Variants in TIMM23B observed in about 807,000 individuals in gnomAD.
The protein encoded by TIMM23B is mitochondrial import inner membrane translocase subunit Tim23B.
Under a neutral mutation model 27.3 loss-of-function variants are expected in TIMM23B, and 27 were observed. The observed-to-expected ratio is 0.99, with a 90% CI of 0.73 to 1.36. TIMM23B has a LOEUF of 1.36. TIMM23B is among the 40% of genes most tolerant of loss of function. The pLI is 0.00. For missense variants in TIMM23B, 205 were observed against 244.2 expected (o/e 0.84, Z 1.07); for synonymous variants, 73 against 92.4 (o/e 0.79, Z 1.21).
chr10:49,965,786 G>A (rs1278183630), intron 6 of TIMM23B, among the ~76,000 whole-genome samples: 3 of 151,268 alleles, frequency 2.0e-5, no homozygotes, highest in Non-Finnish European at 4.4e-5. Flanking sequence ...GGGTAATGGA[G>A]CGAGTCTCCA....
chr10:49,969,171 A>G (rs1245831552), intron 6 of TIMM23B, among the ~76,000 whole-genome samples: 1 of 152,214 alleles, frequency 6.6e-6, no homozygotes, highest in East Asian at 1.9e-4. Context: ...CACAACAGCC[A>G]TACAGGCTGG....
At chr10:49,959,187 T>G (rs1839818371) in intron 6 of TIMM23B, among the ~76,000 whole-genome samples, 1 of 152,240 alleles carries the variant, frequency 6.6e-6, no homozygotes, top group Non-Finnish European at 1.5e-5. Flanking sequence ...TAAGATTCTT[T>G]TCTGTATTTT....
chr10:49,956,192 A>G (rs1839714607), intron 5 of TIMM23B, among the ~76,000 whole-genome samples: 1 of 152,008 alleles, frequency 6.6e-6, no homozygotes, highest in African/African-American at 2.4e-5. Flanking sequence ...GTATAAAAAT[A>G]CTGCAGTAGA....
chr10:49,945,673 A>G lies in TIMM23B; in HGVS notation c.165+583A>G, dbSNP rs1234173856. Among the ~76,000 whole-genome samples, 50 of 152,324 alleles carry G rather than the reference A, an allele frequency of 3.3e-4. 1 individual carries two copies. The highest frequency in any genetic ancestry group is 9.9e-4 in the African/African-American group (41 of 41,578). On this transcript the variant is annotated intron_variant, in intron 2 of 6. Transcript: ENST00000651259. ...TCAGGGTTTTTTTGACTAAGCATCA[A>G]AAGTTTCAAAGAGTATCTTTTTGAA...
rs1173703740 is a variant in TIMM23B, at chr10:49,956,426, CGTGTGTGTGTGTGTGTGTGTGTGTGT to C, written c.403+1385_403+1410del. Among the ~76,000 whole-genome samples, 9 of 113,854 alleles carry C rather than the reference CGTGTGTGTGTGTGTGTGTGTGTGTGT, an allele frequency of 7.9e-5. 1 individual carries two copies. Among genetic ancestry groups the C allele is most frequent in the Admixed American group, 1.8e-4 (2 of 11,024 alleles). 74.7% of individuals were successfully genotyped at this position (113,854 alleles called of 152,430 possible). Reference sequence around the variant, plus strand: ...TCTATTTTTTCTTATACTAGAAATACGTGTGTGTGTGTGTGTGTGTGTGTGTGTGTGTGTGTGTGTGTGTATGTGTG... The same window carrying C: ...TCTATTTTTTCTTATACTAGAAATACGTGTGTGTGTGTGTGTGTATGTGTG... On this transcript the variant is annotated intron_variant, in intron 5 of 6. Coordinates refer to ENST00000651259, the MANE Select transcript of TIMM23B (RefSeq NM_001290117.2).
intron 6 of TIMM23B, among the ~76,000 whole-genome samples, chr10:49,965,397 A>G (rs1840094111): frequency 6.6e-6 from 1 of 150,560 alleles, no homozygotes; most frequent in African/African-American, 2.4e-5. Flanking sequence ...GAGCGAGTCT[A>G]CGTCATGAAA....
At chr10:49,966,430 A>G (rs1840164118) in intron 6 of TIMM23B, among the ~76,000 whole-genome samples, 1 of 150,650 alleles carries the variant, frequency 6.6e-6, no homozygotes, top group South Asian at 2.1e-4. Context: ...CAATGAAATG[A>G]AGAAATGAAA....
chr10:49,955,954 A>G (rs1341936380), intron 5 of TIMM23B, among the ~76,000 whole-genome samples: 3 of 152,108 alleles, frequency 2.0e-5, no homozygotes, highest in Non-Finnish European at 4.4e-5. Context: ...AATTGCTTGT[A>G]TACCTAGAGT....
At chr10:49,954,248 C>G (rs1839637906) in intron 4 of TIMM23B, 1 of 373,500 alleles carries the variant, frequency 2.7e-6, no homozygotes, top group Non-Finnish European at 5.4e-6. Flanking sequence ...CAGAACCATT[C>G]CTGGGATGGT....
intron 6 of TIMM23B, among the ~76,000 whole-genome samples, chr10:49,971,813 A>G (rs1840462962): frequency 6.6e-6 from 1 of 152,246 alleles, no homozygotes. Flanking sequence ...TGTAAAACTA[A>G]GGCTCAGTGA....
intron 2 of TIMM23B, among the ~76,000 whole-genome samples, chr10:49,951,593 A>G (rs1223652748): frequency 6.6e-6 from 1 of 152,148 alleles, no homozygotes; most frequent in African/African-American, 2.4e-5. Flanking sequence ...AATAGGGTCT[A>G]TAGCTTTCTG....
rs2805362 is a variant in TIMM23B at position 49,973,037 on chromosome 10, G to A, written c.540G>A (p.Pro180=). Residue 180 remains proline, a synonymous_variant, in exon 7 of 7, where the codon CCG becomes CCA. Transcript: ENST00000651259. Reference sequence around the variant, plus strand: ...TGTCAGAGATGGCTTTGGATTCCCCGTTCTGTGTGCTGCTGTCTGGCTCCT... The same window carrying A: ...TGTCAGAGATGGCTTTGGATTCCCCATTCTGTGTGCTGCTGTCTGGCTCCT... ...CTVSEMALDS[P]FCVLLSGS The A allele has an allele frequency of 2.7e-5, 42 of 1,532,700 alleles. No individual in the cohort carries two copies. The highest frequency in any genetic ancestry group is 4.6e-4 in the Middle Eastern group (2 of 4,380). 94.9% of individuals were successfully genotyped at this position (1,532,700 alleles called of 1,614,324 possible). A position where few individuals can be genotyped will look rare whatever the true frequency, so the allele number is the denominator to read the frequency against.
At chr10:49,964,025 G>A (rs537244449) in intron 6 of TIMM23B, among the ~76,000 whole-genome samples, 2 of 152,072 alleles carry the variant, frequency 1.3e-5, no homozygotes, top group South Asian at 4.2e-4. Context: ...AATGCGTGTG[G>A]TGCACTCCAG....
chr10:49,952,949 C>T (rs1339914045), intron 4 of TIMM23B, among the ~76,000 whole-genome samples: 1 of 152,184 alleles, frequency 6.6e-6, no homozygotes, highest in African/African-American at 2.4e-5. Context: ...TTAACTTGAA[C>T]TTCTTACTGT....
intron 6 of TIMM23B, among the ~76,000 whole-genome samples, chr10:49,959,255 G>C (rs1266624261): frequency 2.0e-5 from 3 of 152,076 alleles, no homozygotes; most frequent in Admixed American, 6.5e-5. Context: ...AGAATATTCA[G>C]AATTGTTGGT....
At chr10:49,962,177 G>A (rs1354967616) in intron 6 of TIMM23B, among the ~76,000 whole-genome samples, 1 of 151,598 alleles carries the variant, frequency 6.6e-6, no homozygotes, top group Non-Finnish European at 1.5e-5. Flanking sequence ...TTAGAAGGTA[G>A]CAATCAAAAT....
At chr10:49,964,398 C>T (rs1479151947) in intron 6 of TIMM23B, among the ~76,000 whole-genome samples, 2 of 149,596 alleles carry the variant, frequency 1.3e-5, no homozygotes, top group South Asian at 2.1e-4. Context: ...GGTGTGGTGG[C>T]GCAGTCCAGC....
chr10:49,947,152 C>T (rs200198162), intron 2 of TIMM23B, among the ~76,000 whole-genome samples: 2,806 of 152,204 alleles, frequency 0.018, 96 homozygotes, highest in African/African-American at 0.064. Flanking sequence ...AAATGTAAAC[C>T]GAAGCAGTCA....
At chr10:49,970,653 C>T (rs7896643) in intron 6 of TIMM23B, among the ~76,000 whole-genome samples, 28,981 of 149,846 alleles carry the variant, frequency 0.19, 3,267 homozygotes, top group Non-Finnish European at 0.27. Flanking sequence ...CTGCCCCGTC[C>T]GGGAGGGAGG....
Sources: gnomAD v4.1 joint callset for allele counts (sites outside exome capture counted in the v4.1 genomes callset) on GRCh38, gnomAD v4.1.1 for gene constraint, MANE v1.5 for transcripts, NCBI Gene and HGNC (gene_info 2026-07-23, HGNC 2026-07-21) for gene names.